Variants in PUDP observed in about 807,000 individuals in gnomAD.
PUDP encodes the protein pseudouridine-5'-phosphatase.
Under a neutral mutation model 9.4 loss-of-function variants are expected in PUDP, and 8 were observed. That is an observed-to-expected ratio of 0.85 (90% CI 0.50 to 1.53). The LOEUF is 1.53. Among genes scored for constraint, PUDP ranks in the 40% most tolerant of loss-of-function variants. PUDP has a pLI of 0.00. For synonymous variants in PUDP, 99 were observed against 80.7 expected (o/e 1.23, Z -1.22); for missense variants, 188 against 189.7 (o/e 0.99, Z 0.05).
At chrX:6,876,769 ATGTG>A (rs2146736871) in intron 3 of PUDP, among the ~76,000 whole-genome samples, 1 of 110,707 alleles carries the variant, frequency 9.0e-6, no homozygotes, top group Admixed American at 9.6e-5. Context: ...CTATACATAT[ATGTG>A]TACCTATAGA....
intron 3 of PUDP, among the ~76,000 whole-genome samples, chrX:6,841,576 G>T (rs1926671140): frequency 9.0e-6 from 1 of 111,017 alleles, no homozygotes; most frequent in Non-Finnish European, 1.9e-5. Context: ...ACTCCAGCTT[G>T]GGTGAGAGTG....
At chrX:6,947,375 G>A (rs1928484451) in intron 3 of PUDP, among the ~76,000 whole-genome samples, 1 of 111,855 alleles carries the variant, frequency 8.9e-6, no homozygotes, top group Middle Eastern at 4.6e-3. Context: ...AGTTGAGGAG[G>A]GTGCAACTAC....
At chrX:6,961,727 C>T (rs750416173) in intron 3 of PUDP, among the ~76,000 whole-genome samples, 1 of 111,300 alleles carries the variant, frequency 9.0e-6, no homozygotes, top group Non-Finnish European at 1.9e-5. Context: ...AAGCTACATC[C>T]CTAAGTTTAT....
At chrX:6,725,092 G>A (rs2146657092), upstream of PUDP, among the ~76,000 whole-genome samples, 1 of 111,804 alleles carries the variant, frequency 8.9e-6, no homozygotes, top group South Asian at 3.8e-4. Flanking sequence ...ACATGGCCAT[G>A]GATGGTGATA....
intron 3 of PUDP, among the ~76,000 whole-genome samples, chrX:7,058,742 ATGTG>A (rs1930316766): frequency 8.9e-6 from 1 of 112,002 alleles, no homozygotes; most frequent in African/African-American, 3.2e-5. Context: ...CTGCTGAGGT[ATGTG>A]TGTATTTTGT....
intron 1 of PUDP, among the ~76,000 whole-genome samples, chrX:7,110,462 A>G (rs2146903714): frequency 8.9e-6 from 1 of 112,108 alleles, no homozygotes; most frequent in African/African-American, 3.2e-5. Flanking sequence ...CTTCAATTTT[A>G]TAACTGTGAG....
chrX:6,803,117 T>TAAAAC lies in PUDP; in HGVS notation c.*248-96656_*248-96652dup, dbSNP rs1278228589. Among the ~76,000 whole-genome samples, 65 of 100,741 alleles carry TAAAAC rather than the reference T, an allele frequency of 6.5e-4. No individual in the cohort carries two copies. The South Asian group carries it at 0.01, about 16-fold the overall frequency. 87.5% of individuals were successfully genotyped at this position (100,741 alleles called of 115,157 possible). ...TAAAATAAAATAAAATAAAATAAAATAAAACAAAATAAAATAAAATAACTA... is the reference window on the plus strand; with the variant it reads ...TAAAATAAAATAAAATAAAATAAAATAAAACAAAACAAAATAAAATAAAATAACTA... On this transcript the variant is annotated intron_variant and NMD_transcript_variant, in intron 3 of 3. Coordinates refer to the PUDP transcript ENST00000655425.
chrX:6,825,717 T>C (rs1215085471), intron 3 of PUDP, among the ~76,000 whole-genome samples: 1 of 110,795 alleles, frequency 9.0e-6, no homozygotes, highest in Non-Finnish European at 1.9e-5. Flanking sequence ...ACAGGAGCTA[T>C]GGAGCTTCCC....
intron 3 of PUDP, among the ~76,000 whole-genome samples, chrX:6,902,308 G>C (rs934893905): frequency 5.4e-5 from 6 of 111,987 alleles, no homozygotes; most frequent in African/African-American, 1.6e-4. Flanking sequence ...ATTCAATTCT[G>C]TTTCCCTCAA....
At chrX:6,855,724 A>C (rs1194314315) in intron 3 of PUDP, among the ~76,000 whole-genome samples, 1 of 111,979 alleles carries the variant, frequency 8.9e-6, no homozygotes, top group South Asian at 3.7e-4. Flanking sequence ...GAGTCTAAAA[A>C]TTCTGAATTA....
chrX:6,752,862 C>G (rs1925119705), intron 3 of PUDP, among the ~76,000 whole-genome samples: 1 of 111,595 alleles, frequency 9.0e-6, no homozygotes, highest in African/African-American at 3.3e-5. Flanking sequence ...TTTATTTTCT[C>G]AGGAATATGT....
chrX:6,808,481 T>C (rs62590373), intron 3 of PUDP, among the ~76,000 whole-genome samples: 10,345 of 111,547 alleles, frequency 0.093, 428 homozygotes, highest in Non-Finnish European at 0.12. Context: ...TGACCCTTTA[T>C]ATGCATAAAG....
chrX:6,762,808 T>C (rs1193733083), intron 3 of PUDP, among the ~76,000 whole-genome samples: 1 of 112,077 alleles, frequency 8.9e-6, no homozygotes, highest in Non-Finnish European at 1.9e-5. Flanking sequence ...GAGGCCACCC[T>C]GGAGAGAAAA....
At position 7,118,395 on chromosome X, in the gene PUDP, C is replaced by G. The variant is rs771733110; in HGVS notation, c.62-12557G>C. 2.7e-5 allele frequency among the ~76,000 whole-genome samples: 3 copies of G among 112,130 alleles called. No homozygotes were observed. In the East Asian group the frequency reaches 8.4e-4, roughly 31 times the overall value. Reference sequence around the variant, plus strand: ...CTCTCTTTTAGGTTTTCTGCAATCTCCATCCAACTTGCCTTCCATGAATAA... The same window carrying G: ...CTCTCTTTTAGGTTTTCTGCAATCTGCATCCAACTTGCCTTCCATGAATAA... On this transcript the variant is annotated intron_variant, in intron 1 of 3. Coordinates refer to ENST00000381077, the MANE Select transcript of PUDP (RefSeq NM_012080.5).
At chrX:6,794,571 A>AT (rs758259698) in intron 3 of PUDP, among the ~76,000 whole-genome samples, 2,838 of 99,582 alleles carry the variant, frequency 0.028, 80 homozygotes, top group African/African-American at 0.078. Context: ...TCTTTCTTTA[A>AT]TTTTTTTTTT....
chrX:6,899,165 C>T (rs11095245), intron 3 of PUDP, among the ~76,000 whole-genome samples: 23,044 of 112,106 alleles, frequency 0.21, 1,929 homozygotes, highest in Non-Finnish European at 0.25. Flanking sequence ...ACACACTCAT[C>T]ATAAAGACAA....
At chrX:7,138,659 C>G (rs1458257283) in intron 1 of PUDP, among the ~76,000 whole-genome samples, 2 of 111,622 alleles carry the variant, frequency 1.8e-5, no homozygotes, top group African/African-American at 6.5e-5. Flanking sequence ...AGGCGTGAAC[C>G]ACTGTCCCCA....
At chrX:7,123,130 C>G (rs1326718183) in intron 1 of PUDP, among the ~76,000 whole-genome samples, 1 of 112,154 alleles carries the variant, frequency 8.9e-6, no homozygotes, top group African/African-American at 3.2e-5. Flanking sequence ...TACTTTAAGG[C>G]AATGGCTCAC....
intron 2 of PUDP, among the ~76,000 whole-genome samples, chrX:7,093,762 C>T (rs1336182485): frequency 9.0e-6 from 1 of 111,577 alleles, no homozygotes; most frequent in Non-Finnish European, 1.9e-5. Flanking sequence ...GTTCATTATC[C>T]TATACTCCTA....
Sources: gnomAD v4.1 joint callset for allele counts (sites outside exome capture counted in the v4.1 genomes callset) on GRCh38, gnomAD v4.1.1 for gene constraint, MANE v1.5 for transcripts, NCBI Gene and HGNC (gene_info 2026-07-23, HGNC 2026-07-21) for gene names.